The following TOMM20 variants were observed in gnomAD, a reference collection of about 807,000 sequenced individuals.
TOMM20 encodes the protein mitochondrial import receptor subunit TOM20 homolog.
TOMM20 carries 10 observed loss-of-function variants against 22.1 expected under a neutral mutation model. The ratio of observed to expected loss-of-function variants is 0.45; its 90% CI spans 0.28 to 0.77. The LOEUF is 0.77. TOMM20 is among the 30% of genes least tolerant of loss of function. The pLI, the probability that TOMM20 is intolerant of heterozygous loss-of-function variation, is 0.13. For synonymous variants in TOMM20, 55 were observed against 61.4 expected (o/e 0.90, Z 0.49); for missense variants, 121 against 172.2 (o/e 0.70, Z 1.66).
rs747537822 is a variant in TOMM20, at chr1:235,128,780, C to T, written c.-65G>A. 1 of 1,605,862 alleles carries T rather than the reference C, an allele frequency of 6.2e-7. No individual in the cohort carries two copies. Among genetic ancestry groups the T allele is most frequent in the Non-Finnish European group, 8.5e-7 (1 of 1,176,688 alleles). ...CCGCGAAGGAGCGGTGGGCCACGAA[C>T]CCTCAGAGCGGTCGGCGCAGCTCAC... On this transcript the variant is annotated 5_prime_UTR_variant, in exon 1 of 5. Transcript: ENST00000366607.
At chr1:235,116,335 T>A (rs879305325) in intron 3 of TOMM20, among the ~76,000 whole-genome samples, 2 of 151,782 alleles carry the variant, frequency 1.3e-5, no homozygotes, top group Non-Finnish European at 2.9e-5. Context: ...GGTCAAAATA[T>A]CGAGACCATC....
rs1049775621 is a variant in TOMM20 at position 235,110,790 on chromosome 1, C to G, written c.*1274G>C. The stretch of plus-strand genomic sequence containing the variant: ...GATTTCTCCAGACTTTTAGACAGAA[C>G]AAAGGCAATCTTTACAATGAGAAAT... On this transcript the variant is annotated 3_prime_UTR_variant, in exon 5 of 5. Coordinates refer to ENST00000366607, the MANE Select transcript of TOMM20 (RefSeq NM_014765.3). 2.6e-5 allele frequency: 4 copies of G among 152,154 alleles called. No homozygotes were observed. Among genetic ancestry groups the G allele is most frequent in the Non-Finnish European group, 4.4e-5 (3 of 68,020 alleles). The allele number at this position is 152,154 out of a possible 1,614,324, so 9.4% of individuals were successfully genotyped here.
At chr1:235,117,836 G>T (rs892611786) in intron 3 of TOMM20, among the ~76,000 whole-genome samples, 1 of 151,896 alleles carries the variant, frequency 6.6e-6, no homozygotes, top group African/African-American at 2.4e-5. Flanking sequence ...CACTGCCAAT[G>T]TGAGGACTAT....
In TOMM20 at chr1:235,128,831, C is replaced by T. The variant is rs1661096608; in HGVS notation, c.-116G>A. 1.3e-6 allele frequency: 2 copies of T among 1,521,332 alleles called. No individual in the cohort carries two copies. Among genetic ancestry groups the T allele is most frequent in the Non-Finnish European group, 1.8e-6 (2 of 1,131,262 alleles). 94.2% of individuals were successfully genotyped at this position (1,521,332 alleles called of 1,614,324 possible). Reference sequence around the variant, plus strand: ...ACCCGACGGCCGCGGGCCAGGAACACAGAAAGGCCGAGCACACGCCACTTC... The same window carrying T: ...ACCCGACGGCCGCGGGCCAGGAACATAGAAAGGCCGAGCACACGCCACTTC... On this transcript the variant is annotated 5_prime_UTR_variant, in exon 1 of 5. The change creates a new upstream start codon in the 5' untranslated region. Coordinates refer to ENST00000366607, the MANE Select transcript of TOMM20 (RefSeq NM_014765.3).
At chr1:235,124,452 C>T (rs1486703424) in intron 1 of TOMM20, among the ~76,000 whole-genome samples, 3 of 152,216 alleles carry the variant, frequency 2.0e-5, no homozygotes, top group Admixed American at 6.5e-5. Context: ...GCAACTCAAA[C>T]CCAGGCTTTT....
At chr1:235,115,175 C>T (rs562550176) in intron 3 of TOMM20, among the ~76,000 whole-genome samples, 14 of 152,200 alleles carry the variant, frequency 9.2e-5, no homozygotes, top group African/African-American at 3.4e-4. Context: ...CTGCACTCGG[C>T]CCTAATCCCA....
chr1:235,121,360 T>C (rs1660928679), intron 2 of TOMM20, among the ~76,000 whole-genome samples: 1 of 152,198 alleles, frequency 6.6e-6, no homozygotes, highest in Non-Finnish European at 1.5e-5. Context: ...GTAGCAATAA[T>C]TTAATTCTAT....
chr1:235,123,758 T>G (rs1660968406), intron 1 of TOMM20, among the ~76,000 whole-genome samples: 1 of 152,152 alleles, frequency 6.6e-6, no homozygotes, highest in Admixed American at 6.6e-5. Flanking sequence ...CAACTAACTG[T>G]GGGGAAAAAG....
intron 2 of TOMM20, 31 bp downstream of exon 2, chr1:235,122,295 T>C (rs753927862): frequency 2.1e-6 from 3 of 1,454,534 alleles, no homozygotes; most frequent in Non-Finnish European, 2.7e-6. Context: ...TTCTACAAAA[T>C]ATATAATTTA....
chr1:235,124,311 C>A (rs985868425), intron 1 of TOMM20, among the ~76,000 whole-genome samples: 1 of 152,236 alleles, frequency 6.6e-6, no homozygotes, highest in African/African-American at 2.4e-5. Flanking sequence ...AGCGCCACTG[C>A]GCTCCAGCCT....
intron 4 of TOMM20, 48 bp downstream of exon 4, chr1:235,113,720 G>A (rs368333162): frequency 2.3e-5 from 36 of 1,555,318 alleles, no homozygotes; most frequent in Non-Finnish European, 2.8e-5. Flanking sequence ...CTAATCATTC[G>A]ATTCTAAATC....
At chr1:235,122,063 C>A (rs745436903) in intron 2 of TOMM20, among the ~76,000 whole-genome samples, 2 of 152,002 alleles carry the variant, frequency 1.3e-5, no homozygotes, top group African/African-American at 2.4e-5. Flanking sequence ...TGTCTTGAGG[C>A]CCTCATCTTG....
At chr1:235,119,949 T>C in intron 2 of TOMM20, 50 bp from the exon 3 acceptor site, 1 of 1,238,590 alleles carries the variant, frequency 8.1e-7, no homozygotes. Context: ...CCAGGGGATA[T>C]AACCAATACA....
intron 1 of TOMM20, among the ~76,000 whole-genome samples, chr1:235,126,527 G>A (rs770250893): frequency 8.5e-5 from 13 of 152,056 alleles, no homozygotes; most frequent in African/African-American, 2.4e-4. Flanking sequence ...TATCTCATCC[G>A]GACGCGGTGG....
rs1472549148 is a variant in TOMM20 at position 235,111,244 on chromosome 1, G to A, written c.*820C>T. 1.3e-5 allele frequency: 2 copies of A among 152,118 alleles called. No individual in the cohort carries two copies. Among genetic ancestry groups the A allele is most frequent in the African/African-American group, 4.8e-5 (2 of 41,420 alleles). 9.4% of individuals were successfully genotyped at this position (152,118 alleles called of 1,614,324 possible). On this transcript the variant is annotated 3_prime_UTR_variant, in exon 5 of 5. Coordinates refer to ENST00000366607, the MANE Select transcript of TOMM20 (RefSeq NM_014765.3). ...CTGGTTGCCCACATACATTCCTCAG[G>A]TTAAGGTGGATTTAAAGATGCCCAA...
rs75755919 is a variant in TOMM20 at position 235,125,782 on chromosome 1, G to A, written c.121+2813C>T. On this transcript the variant is annotated intron_variant, in intron 1 of 4. Coordinates refer to ENST00000366607, the MANE Select transcript of TOMM20 (RefSeq NM_014765.3). ...TGAGACCGAGTCTCGCTCTGTCCCCGCTCTGTCCCCAGGCTGGAGTGCAGT... is the reference window on the plus strand; with the variant it reads ...TGAGACCGAGTCTCGCTCTGTCCCCACTCTGTCCCCAGGCTGGAGTGCAGT... 4.1e-4 allele frequency among the ~76,000 whole-genome samples: 59 copies of A among 144,392 alleles called. No homozygotes were observed. In the East Asian group the frequency reaches 9.2e-3, roughly 23 times the overall value. 94.7% of individuals were successfully genotyped at this position (144,392 alleles called of 152,430 possible). A position where few individuals can be genotyped will look rare whatever the true frequency, so the allele number is the denominator to read the frequency against.
chr1:235,122,952 T>A (rs1660951758), intron 1 of TOMM20, among the ~76,000 whole-genome samples: 1 of 152,176 alleles, frequency 6.6e-6, no homozygotes, highest in Non-Finnish European at 1.5e-5. Context: ...CCTAAAGTGA[T>A]AATCACTAAA....
intron 1 of TOMM20, among the ~76,000 whole-genome samples, chr1:235,125,309 A>C (rs2102813323): frequency 6.6e-6 from 1 of 152,062 alleles, no homozygotes. Flanking sequence ...CCGCCTCCCG[A>C]GTTCACGCCA....
At chr1:235,124,239 C>T (rs1218883773) in intron 1 of TOMM20, among the ~76,000 whole-genome samples, 4 of 152,182 alleles carry the variant, frequency 2.6e-5, no homozygotes, top group African/African-American at 9.7e-5. Context: ...CCTAGCTACT[C>T]GAGAGGCTGT....
Sources: allele counts gnomAD v4.1 joint callset (sites outside exome capture counted in the v4.1 genomes callset), GRCh38; gene constraint gnomAD v4.1.1; transcripts MANE v1.5; gene names NCBI Gene and HGNC (gene_info 2026-07-23, HGNC 2026-07-21).